MLLT10: variants seen among roughly 807,000 people sequenced by gnomAD.
MLLT10 encodes the protein protein AF-10.
MLLT10 carries 30 observed loss-of-function variants against 129.1 expected under a neutral mutation model. That is an observed-to-expected ratio of 0.23 (90% CI 0.17 to 0.32). The LOEUF (loss-of-function observed/expected upper bound fraction) is 0.32. Ranked by LOEUF, MLLT10 falls within the 10% of genes least tolerant of loss-of-function variation. The probability of loss-of-function intolerance (pLI) is 1.00; values close to 1 mark genes in which losing one functional copy is unlikely to be tolerated. For synonymous variants in MLLT10, 490 were observed against 446.4 expected (o/e 1.10, Z -1.23); for missense variants, 1,119 against 1,268.3 (o/e 0.88, Z 1.79).
At chr10:21,568,904 A>G (rs1466362314) in intron 3 of MLLT10, among the ~76,000 whole-genome samples, 1 of 152,132 alleles carries the variant, frequency 6.6e-6, no homozygotes, top group African/African-American at 2.4e-5. Context: ...AAAGTGCTGG[A>G]ATTAACAGGC....
chr10:21,709,981 A>G (rs2055916555), intron 13 of MLLT10, among the ~76,000 whole-genome samples: 3 of 152,148 alleles, frequency 2.0e-5, no homozygotes, highest in African/African-American at 7.2e-5. Flanking sequence ...GCTCAAAGAG[A>G]TCTGCCCACC....
At chr10:21,622,259 G>A (rs2045952484) in intron 8 of MLLT10, among the ~76,000 whole-genome samples, 1 of 150,028 alleles carries the variant, frequency 6.7e-6, no homozygotes, top group Non-Finnish European at 1.5e-5. Flanking sequence ...CGTGGCTCAA[G>A]GGATCCTCCT....
rs144569486 is a variant in MLLT10, at chr10:21,693,785, G to T, written c.1699+11528G>T. Among the ~76,000 whole-genome samples the T allele has an allele frequency of 2.3e-3, 343 of 152,194 alleles. 1 individual carries two copies. Among genetic ancestry groups the T allele is most frequent in the African/African-American group, 7.8e-3 (324 of 41,530 alleles). On this transcript the variant is annotated intron_variant, in intron 13 of 22. Transcript: ENST00000307729. ...GAATACTGCCCTTAATGTTCTTTAAGTTTTTGTAATTTCCATTTTTTAAAT... is the reference window on the plus strand; with the variant it reads ...GAATACTGCCCTTAATGTTCTTTAATTTTTTGTAATTTCCATTTTTTAAAT...
chr10:21,670,030 C>A (rs114674611), intron 9 of MLLT10, among the ~76,000 whole-genome samples: 2,838 of 152,002 alleles, frequency 0.019, 83 homozygotes, highest in African/African-American at 0.064. Context: ...ATTTGTAGCA[C>A]CTTAGTTCCC....
rs774874459 is a variant in MLLT10 at position 21,735,252 on chromosome 10, GATA to G, written c.2955+21_2955+23del. 42 of 1,560,212 alleles carry G rather than the reference GATA, an allele frequency of 2.7e-5. No homozygotes were observed. Among genetic ancestry groups the G allele is most frequent in the African/African-American group, 2.2e-4 (16 of 73,740 alleles). On this transcript the variant is annotated intron_variant, in intron 21 of 22. Transcript: ENST00000307729. The stretch of plus-strand genomic sequence containing the variant: ...CTCACACCAGTAAGTTCTTTCTTTT[GATA>G]ATATCTTATTAGGAGCATGTGTTCT...
Position 21,608,776 on chromosome 10 carries a change from A to G in MLLT10, c.406-3572A>G, listed in dbSNP as rs370263370. Among the ~76,000 whole-genome samples, 9 of 152,204 alleles carry G rather than the reference A, an allele frequency of 5.9e-5. No individual in the cohort carries two copies. The East Asian group carries it at 1.2e-3, about 20-fold the overall frequency. ...GTTTGCTAATTTTTTTCTTCTCCCA[A>G]TTAAATCAGCTTTTGAGTCTTTTAA... On this transcript the variant is annotated intron_variant, in intron 5 of 22. Coordinates refer to ENST00000307729, the MANE Select transcript of MLLT10 (RefSeq NM_001195626.3).
At chr10:21,554,812 T>TTTTC (rs1301444448) in intron 3 of MLLT10, among the ~76,000 whole-genome samples, 1 of 151,228 alleles carries the variant, frequency 6.6e-6, no homozygotes, top group Non-Finnish European at 1.5e-5. Context: ...CTTTGTTTGT[T>TTTTC]TTTCTTTCTT....
intron 22 of MLLT10, 147 bp from the exon 23 acceptor site, chr10:21,741,792 T>C: frequency 2.9e-6 from 2 of 691,664 alleles, no homozygotes; most frequent in Non-Finnish European, 4.9e-6. Context: ...CATGTCTATA[T>C]ATTACGTTGC....
intron 3 of MLLT10, among the ~76,000 whole-genome samples, chr10:21,539,412 CTTT>C (rs370995933): frequency 2.3e-4 from 28 of 120,638 alleles, no homozygotes; most frequent in Non-Finnish European, 2.0e-4. Context: ...ACATAAAAAT[CTTT>C]TTTTTTTTTT....
At chr10:21,664,240 A>C (rs555615710) in intron 9 of MLLT10, among the ~76,000 whole-genome samples, 1 of 148,678 alleles carries the variant, frequency 6.7e-6, no homozygotes, top group Non-Finnish European at 1.5e-5. Flanking sequence ...GTTTATTGAT[A>C]CTTTTTTGAT....
intron 8 of MLLT10, among the ~76,000 whole-genome samples, chr10:21,638,628 G>T (rs773872758): frequency 6.6e-6 from 1 of 152,054 alleles, no homozygotes; most frequent in Non-Finnish European, 1.5e-5. Flanking sequence ...GACTGCTTGA[G>T]CCCAGGAGCG....
intron 3 of MLLT10, among the ~76,000 whole-genome samples, chr10:21,580,766 A>G (rs1362072023): frequency 1.3e-5 from 2 of 150,176 alleles, no homozygotes; most frequent in Non-Finnish European, 2.9e-5. Flanking sequence ...CAATGGCGCG[A>G]TCTTGACTCA....
At chr10:21,610,775 G>A (rs563756182) in intron 5 of MLLT10, among the ~76,000 whole-genome samples, 1 of 151,618 alleles carries the variant, frequency 6.6e-6, no homozygotes, top group Non-Finnish European at 1.5e-5. Flanking sequence ...GAGTGTTACT[G>A]TTTCAATGTG....
chr10:21,613,596 G>A (rs538425359), intron 6 of MLLT10, among the ~76,000 whole-genome samples: 9 of 152,272 alleles, frequency 5.9e-5, no homozygotes, highest in African/African-American at 1.9e-4. Context: ...AAACTTCAGC[G>A]TTTTGTGTTT....
At chr10:21,586,460 C>T in intron 4 of MLLT10, 112 bp downstream of exon 4, 2 of 852,032 alleles carry the variant, frequency 2.3e-6, no homozygotes, top group Non-Finnish European at 3.7e-6. Flanking sequence ...GTTTTCTACT[C>T]ATTTTTAACA....
At chr10:21,634,085 C>G (rs1256018781) in intron 8 of MLLT10, among the ~76,000 whole-genome samples, 5 of 152,088 alleles carry the variant, frequency 3.3e-5, no homozygotes, top group Non-Finnish European at 5.9e-5. Context: ...ACTAAAAATA[C>G]AAAAACTAGC....
chr10:21,534,207 C>T, upstream of MLLT10: 1 of 395,624 alleles, frequency 2.5e-6, no homozygotes, highest in African/African-American at 2.1e-5. Context: ...CAGGCCTCCT[C>T]CCTCACGCCG....
At chr10:21,583,933 G>C (rs1427365650) in intron 3 of MLLT10, among the ~76,000 whole-genome samples, 2 of 151,446 alleles carry the variant, frequency 1.3e-5, no homozygotes, top group Non-Finnish European at 2.9e-5. Flanking sequence ...GCAGTGACGC[G>C]ATCTCGGCTC....
intron 9 of MLLT10, among the ~76,000 whole-genome samples, chr10:21,662,612 A>G (rs2050324381): frequency 6.6e-6 from 1 of 152,098 alleles, no homozygotes; most frequent in South Asian, 2.1e-4. Context: ...CTTTTCCATT[A>G]AATTCCTTAT....
Sources: gnomAD v4.1 joint callset for allele counts (sites outside exome capture counted in the v4.1 genomes callset) on GRCh38, gnomAD v4.1.1 for gene constraint, MANE v1.5 for transcripts, NCBI Gene and HGNC (gene_info 2026-07-23, HGNC 2026-07-21) for gene names.